The following ROMO1 variants were observed in gnomAD, a reference collection of about 807,000 sequenced individuals.
The protein encoded by ROMO1 is reactive oxygen species modulator 1.
ROMO1 carries 8 observed loss-of-function variants against 7.4 expected under a neutral mutation model. The observed-to-expected ratio is 1.08, with a 90% CI of 0.63 to 1.95. The LOEUF is 1.95. Among genes scored for constraint, ROMO1 ranks in the 30% most tolerant of loss-of-function variants. The pLI is 0.00. For synonymous variants in ROMO1, 43 were observed against 41.4 expected (o/e 1.04, Z -0.15); for missense variants, 91 against 115.9 (o/e 0.79, Z 0.99).
chr20:35,700,949 C>A lies in ROMO1; in HGVS notation c.*43C>A. The A allele has an allele frequency of 7.4e-7, 1 of 1,346,986 alleles. No homozygotes were observed. Among genetic ancestry groups the A allele is most frequent in the Non-Finnish European group, 1.1e-6 (1 of 936,336 alleles). The allele number at this position is 1,346,986 out of a possible 1,614,324, so 83.4% of individuals were successfully genotyped here. A position where few individuals can be genotyped will look rare whatever the true frequency, so the allele number is the denominator to read the frequency against. On this transcript the variant is annotated 3_prime_UTR_variant, in exon 3 of 3. Coordinates refer to ENST00000374077, the MANE Select transcript of ROMO1 (RefSeq NM_080748.3). ...ATCTGTCCCTTCCCATCAATCCCAG[C>A]CCATGTACTAATAAAAGAAAGTCTT...
In ROMO1 at chr20:35,699,716, C is replaced by G; in HGVS notation, c.84C>G (p.Ala28=). The G allele has an allele frequency of 6.2e-7, 1 of 1,613,342 alleles. No individual in the cohort carries two copies. The highest frequency in any genetic ancestry group is 8.5e-7 in the Non-Finnish European group (1 of 1,179,990). ...RVKMGFVMGC[A]VGMAAGALFG... The stretch of plus-strand genomic sequence containing the variant: ...AAATGGGCTTCGTGATGGGTTGCGC[C>G]GTGGGCATGGCGGCCGGGGCGCTCT... The change falls in exon 2 of 3, where the codon GCC becomes GCG. Residue 28 remains alanine, a synonymous_variant. Transcript: ENST00000374077. This position sits in a 1 kb window ranked among gnomAD's most constrained non-coding sequence, Gnocchi z 4.4.
At position 35,700,806 on chromosome 20, in the gene ROMO1, T is replaced by C; in HGVS notation, c.140T>C (p.Met47Thr). ...FGTFSCLRIG[M>T]RGRELMGGIG... ...CTTGGTTTCCTCCTCAGGATCGGAA[T>C]GCGGGGTCGAGAGCTGATGGGCGGC... Residue 47 changes from methionine (M) to threonine (T), a missense_variant, in exon 3 of 3, where the codon ATG (methionine) becomes ACG (threonine). Coordinates refer to ENST00000374077, the MANE Select transcript of ROMO1 (RefSeq NM_080748.3). 6.2e-7 allele frequency: 1 copy of C among 1,614,124 alleles called. No homozygotes were observed. The highest frequency in any genetic ancestry group is 8.5e-7 in the Non-Finnish European group (1 of 1,179,964).
Position 35,699,559 on chromosome 20 carries a change from T to G in ROMO1, c.1-74T>G, listed in dbSNP as rs748523015. 2.2e-4 allele frequency: 344 copies of G among 1,593,568 alleles called. No homozygotes were observed. The highest frequency in any genetic ancestry group is 2.5e-4 in the Non-Finnish European group (299 of 1,174,334). On this transcript the variant is annotated intron_variant, in intron 1 of 2. Transcript: ENST00000374077. This position sits in a 1 kb window ranked among gnomAD's most constrained non-coding sequence, Gnocchi z 4.4. ...CTTCCCCTGAGCCCTTGGGCCCACT[T>G]CCCAGCCTACCGCTTCCGTCCCCGC...
rs767322773 is a variant in ROMO1, at chr20:35,699,809, C to T, written c.131+46C>T. 6.4e-6 allele frequency: 10 copies of T among 1,566,024 alleles called. No homozygotes were observed. Among genetic ancestry groups the T allele is most frequent in the South Asian group, 1.1e-5 (1 of 87,026 alleles). ...TCTCTGGGCAGGACAACCAGACCTT[C>T]CGGCCCTGCCCCATTCGGCCTGGAG... is the stretch of plus-strand genomic sequence containing the variant. On this transcript the variant is annotated intron_variant, in intron 2 of 2. Coordinates refer to ENST00000374077, the MANE Select transcript of ROMO1 (RefSeq NM_080748.3). The surrounding 1 kb of genome is among the most constrained non-coding windows in gnomAD (Gnocchi z 4.4).
Position 35,699,564 on chromosome 20 carries a change from G to A in ROMO1, c.1-69G>A. The A allele has an allele frequency of 6.3e-7, 1 of 1,597,088 alleles. No individual in the cohort carries two copies. The highest frequency in any genetic ancestry group is 1.1e-5 in the South Asian group (1 of 90,500). On this transcript the variant is annotated intron_variant, in intron 1 of 2. Transcript: ENST00000374077. This position sits in a 1 kb window ranked among gnomAD's most constrained non-coding sequence, Gnocchi z 4.4. ...CCTGAGCCCTTGGGCCCACTTCCCA[G>A]CCTACCGCTTCCGTCCCCGCCCGAC...
At position 35,699,437 on chromosome 20, in the gene ROMO1, C is replaced by T. The variant is rs2035208976; in HGVS notation, c.-20C>T. On this transcript the variant is annotated 5_prime_UTR_variant, in exon 1 of 3. Coordinates refer to ENST00000374077, the MANE Select transcript of ROMO1 (RefSeq NM_080748.3). This position sits in a 1 kb window ranked among gnomAD's most constrained non-coding sequence, Gnocchi z 4.4. ...GTGAGAGACGTAGAGCTGAGCGACC[C>T]AGCCCGCGAGCGAGGTGAGGTAGGC... The T allele has an allele frequency of 8.4e-7, 1 of 1,186,224 alleles. No individual in the cohort carries two copies. Among genetic ancestry groups the T allele is most frequent in the Non-Finnish European group, 1.1e-6 (1 of 871,072 alleles). 73.5% of individuals were successfully genotyped at this position (1,186,224 alleles called of 1,614,324 possible). A position where few individuals can be genotyped will look rare whatever the true frequency, so the allele number is the denominator to read the frequency against.
chr20:35,700,244 C>T (rs890488996), intron 2 of ROMO1, among the ~76,000 whole-genome samples: 6 of 152,144 alleles, frequency 3.9e-5, no homozygotes, highest in African/African-American at 4.8e-5. Context: ...AAACTTTACA[C>T]TCTAAAGGTC....
chr20:35,700,659 G>A, intron 2 of ROMO1, 139 bp from the exon 3 acceptor site: 2 of 686,576 alleles, frequency 2.9e-6, no homozygotes, highest in East Asian at 2.7e-5. Context: ...ACCCCAGGTA[G>A]TAAGATATAA....
At position 35,699,642 on chromosome 20, in the gene ROMO1, G is replaced by A. The variant is rs150021161; in HGVS notation, c.10G>A (p.Ala4Thr). 3.9e-3 allele frequency: 6,249 copies of A among 1,613,232 alleles called. 26 individuals carry two copies. Among genetic ancestry groups the A allele is most frequent in the Non-Finnish European group, 5.0e-3 (5,876 of 1,179,996 alleles). The change falls in exon 2 of 3, where the codon GCC (alanine) becomes ACC (threonine). Residue 4 changes from alanine (A) to threonine (T), a missense_variant. Transcript: ENST00000374077. The surrounding 1 kb of genome is among the most constrained non-coding windows in gnomAD (Gnocchi z 4.4). MPV[A>T]VGPYGQSQPS... Reference sequence around the variant, plus strand: ...TTCCTATCCCCCGCAGATGCCGGTGGCCGTGGGTCCCTACGGACAGTCCCA... The same window carrying A: ...TTCCTATCCCCCGCAGATGCCGGTGACCGTGGGTCCCTACGGACAGTCCCA...
rs1601541961 is a variant in ROMO1 at position 35,699,488 on chromosome 20, G to A, written c.-1+32G>A. 3.9e-6 allele frequency: 5 copies of A among 1,286,754 alleles called. No individual in the cohort carries two copies. In the East Asian group the frequency reaches 9.8e-5, roughly 25 times the overall value. 79.7% of individuals were successfully genotyped at this position (1,286,754 alleles called of 1,614,324 possible). A position where few individuals can be genotyped will look rare whatever the true frequency, so the allele number is the denominator to read the frequency against. On this transcript the variant is annotated intron_variant, in intron 1 of 2. Transcript: ENST00000374077. This position sits in a 1 kb window ranked among gnomAD's most constrained non-coding sequence, Gnocchi z 4.4. Reference sequence around the variant, plus strand: ...GCCGGGCGACGCGGGGCCGGAACGCGAAGAGGGTGGTGGAGTCGGGCTACC... The same window carrying A: ...GCCGGGCGACGCGGGGCCGGAACGCAAAGAGGGTGGTGGAGTCGGGCTACC...
In ROMO1 at chr20:35,699,825, C is replaced by A; in HGVS notation, c.131+62C>A. 1 of 1,544,866 alleles carries A rather than the reference C, an allele frequency of 6.5e-7. No homozygotes were observed. The highest frequency in any genetic ancestry group is 8.7e-7 in the Non-Finnish European group (1 of 1,149,280). On this transcript the variant is annotated intron_variant, in intron 2 of 2. Transcript: ENST00000374077. This position sits in a 1 kb window ranked among gnomAD's most constrained non-coding sequence, Gnocchi z 4.4. ...CCAGACCTTCCGGCCCTGCCCCATT[C>A]GGCCTGGAGCCTGAACACAGCCTCC...
chr20:35,699,554 C>G lies in ROMO1; in HGVS notation c.1-79C>G. On this transcript the variant is annotated intron_variant, in intron 1 of 2. Transcript: ENST00000374077. The surrounding 1 kb of genome is among the most constrained non-coding windows in gnomAD (Gnocchi z 4.4). ...CCTTACTTCCCCTGAGCCCTTGGGC[C>G]CACTTCCCAGCCTACCGCTTCCGTC... 1 of 1,584,548 alleles carries G rather than the reference C, an allele frequency of 6.3e-7. No individual in the cohort carries two copies. Among genetic ancestry groups the G allele is most frequent in the Non-Finnish European group, 8.6e-7 (1 of 1,167,734 alleles).
chr20:35,699,865 C>G lies in ROMO1; in HGVS notation c.131+102C>G. ...ACACAGCCTCCTTCTTTCGACTTCC[C>G]TCTCTGTCCCCTCGCGAGCCAGACT... On this transcript the variant is annotated intron_variant, in intron 2 of 2. Transcript: ENST00000374077. The surrounding 1 kb of genome is among the most constrained non-coding windows in gnomAD (Gnocchi z 4.4). The G allele has an allele frequency of 7.0e-7, 1 of 1,426,302 alleles. No individual in the cohort carries two copies. Among genetic ancestry groups the G allele is most frequent in the Non-Finnish European group, 9.4e-7 (1 of 1,066,654 alleles). 88.4% of individuals were successfully genotyped at this position (1,426,302 alleles called of 1,614,324 possible).
rs555815305 is a variant in ROMO1 at position 35,700,769 on chromosome 20, A to G, written c.132-29A>G. 8.8e-6 allele frequency: 14 copies of G among 1,592,988 alleles called. No individual in the cohort carries two copies. The South Asian group carries it at 1.4e-4, about 16-fold the overall frequency. On this transcript the variant is annotated intron_variant, in intron 2 of 2. Coordinates refer to ENST00000374077, the MANE Select transcript of ROMO1 (RefSeq NM_080748.3). ...TACTCTTTCTGATATTTTTGTTACC[A>G]AATAGCTCCATCTTGGTTTCCTCCT...
In ROMO1 at chr20:35,700,687, A is replaced by C; in HGVS notation, c.132-111A>C. The C allele has an allele frequency of 8.8e-6, 7 of 791,174 alleles. No individual in the cohort carries two copies. The South Asian group carries it at 1.0e-4, about 12-fold the overall frequency. 49.0% of individuals were successfully genotyped at this position (791,174 alleles called of 1,614,324 possible). ...AGATATAATATCCAGTAAGTGGAAA[A>C]TCAGATGTAGGGGTTGCTAGACTAG... On this transcript the variant is annotated intron_variant, in intron 2 of 2. Coordinates refer to ENST00000374077, the MANE Select transcript of ROMO1 (RefSeq NM_080748.3).
chr20:35,700,494 G>A (rs2035242018), intron 2 of ROMO1, among the ~76,000 whole-genome samples: 1 of 152,024 alleles, frequency 6.6e-6, no homozygotes, highest in South Asian at 2.1e-4. Flanking sequence ...TCTTTATTGG[G>A]TCTTAAACTG....
chr20:35,700,709 C>A lies in ROMO1; in HGVS notation c.132-89C>A. 4.0e-6 allele frequency: 4 copies of A among 1,000,010 alleles called. No homozygotes were observed. In the South Asian group the frequency reaches 5.2e-5, roughly 13 times the overall value. The allele number at this position is 1,000,010 out of a possible 1,614,324, so 61.9% of individuals were successfully genotyped here. ...AAAATCAGATGTAGGGGTTGCTAGA[C>A]TAGTGTTAGCAAAAAATTGGAAAGG... On this transcript the variant is annotated intron_variant, in intron 2 of 2. Coordinates refer to ENST00000374077, the MANE Select transcript of ROMO1 (RefSeq NM_080748.3).
rs1601541961 is a variant in ROMO1 at position 35,699,488 on chromosome 20, G to C, written c.-1+32G>C. On this transcript the variant is annotated intron_variant, in intron 1 of 2. Transcript: ENST00000374077. This position sits in a 1 kb window ranked among gnomAD's most constrained non-coding sequence, Gnocchi z 4.4. ...GCCGGGCGACGCGGGGCCGGAACGC[G>C]AAGAGGGTGGTGGAGTCGGGCTACC... 2 of 1,286,754 alleles carry C rather than the reference G, an allele frequency of 1.6e-6. No homozygotes were observed. The allele number at this position is 1,286,754 out of a possible 1,614,324, so 79.7% of individuals were successfully genotyped here.
Position 35,700,861 on chromosome 20 carries a change from C to T in ROMO1, c.195C>T (p.Gly65=), listed in dbSNP as rs1601544372. 2.5e-6 allele frequency: 4 copies of T among 1,614,076 alleles called. No homozygotes were observed. Among genetic ancestry groups the T allele is most frequent in the Non-Finnish European group, 3.4e-6 (4 of 1,180,040 alleles). Residue 65 remains glycine, a synonymous_variant, in exon 3 of 3, where the codon GGC becomes GGT. Coordinates refer to ENST00000374077, the MANE Select transcript of ROMO1 (RefSeq NM_080748.3). The part of the protein sequence containing the change: ...GIGKTMMQSG[G]TFGTFMAIGM... ...GGAAAACCATGATGCAGAGTGGCGGCACCTTTGGCACATTCATGGCCATTG... is the reference window on the plus strand; with the variant it reads ...GGAAAACCATGATGCAGAGTGGCGGTACCTTTGGCACATTCATGGCCATTG...
Sources: allele counts gnomAD v4.1 joint callset (sites outside exome capture counted in the v4.1 genomes callset), GRCh38; gene constraint gnomAD v4.1.1; non-coding constraint Gnocchi (gnomAD v3.1); transcripts MANE v1.5; gene names NCBI Gene and HGNC (gene_info 2026-07-23, HGNC 2026-07-21).